The following FILIP1L variants were observed in gnomAD, a reference collection of about 807,000 sequenced individuals.
FILIP1L encodes filamin A-interacting protein 1-like.
In FILIP1L, 55 loss-of-function variants were observed where a neutral mutation model predicts 96.6. That is an observed-to-expected ratio of 0.57 (90% confidence interval 0.46 to 0.71). FILIP1L has a LOEUF of 0.71. FILIP1L is among the 30% of genes least tolerant of loss of function. The pLI is 0.00. For missense variants in FILIP1L, 1,304 were observed against 1,321.2 expected, an observed-to-expected ratio of 0.99 and a Z score of 0.20; for synonymous variants, 467 against 473.9, an observed-to-expected ratio of 0.99 and a Z score of 0.19.
chr3:99,983,574 C>T (rs1439302341), intron 1 of FILIP1L, among the ~76,000 whole-genome samples: 1 of 142,722 alleles, frequency 7.0e-6, no homozygotes, highest in Admixed American at 7.2e-5. Context: ...CCTGTAATCC[C>T]AGCTACTTGG....
At chr3:100,074,595 C>T (rs1392844583) in intron 1 of FILIP1L, among the ~76,000 whole-genome samples, 1 of 147,796 alleles carries the variant, frequency 6.8e-6, no homozygotes, top group Non-Finnish European at 1.5e-5. Context: ...AAAAACTATG[C>T]TTGAGAAATA....
chr3:99,909,377 G>A (rs1315562108), intron 4 of FILIP1L, among the ~76,000 whole-genome samples: 2 of 152,140 alleles, frequency 1.3e-5, no homozygotes, highest in Admixed American at 6.5e-5. Context: ...TATCCATGTA[G>A]GAATGATGTG....
chr3:100,032,068 C>A lies in FILIP1L; in HGVS notation c.-11+81985G>T, dbSNP rs185847025. Among the ~76,000 whole-genome samples the A allele has an allele frequency of 2.0e-5, 3 of 152,158 alleles. No homozygotes were observed. In the East Asian group the frequency reaches 5.8e-4, roughly 29 times the overall value. On this transcript the variant is annotated intron_variant, in intron 1 of 5. Transcript: ENST00000477258. ...AGATTATATAAAGACAGGCTACAGA[C>A]CAGATCTAGCCCATTAGCCATAGTT... is the stretch of plus-strand genomic sequence containing the variant.
At chr3:100,020,257 T>C (rs1220615388) in intron 1 of FILIP1L, among the ~76,000 whole-genome samples, 1 of 152,232 alleles carries the variant, frequency 6.6e-6, no homozygotes, top group Non-Finnish European at 1.5e-5. Flanking sequence ...TTCACTATTC[T>C]GCAAATAAAT....
chr3:100,109,002 T>C (rs1222563283), intron 1 of FILIP1L, among the ~76,000 whole-genome samples: 1 of 152,070 alleles, frequency 6.6e-6, no homozygotes, highest in East Asian at 1.9e-4. Context: ...CCATGGCTTT[T>C]TCAATGCAGT....
intron 1 of FILIP1L, among the ~76,000 whole-genome samples, chr3:99,988,511 CA>C (rs757175318): frequency 2.9e-4 from 14 of 47,874 alleles, no homozygotes; most frequent in South Asian, 8.3e-4. Flanking sequence ...GACTCCATCT[CA>C]AAAAAAAAAA....
At chr3:100,019,585 G>A (rs2064769095) in intron 1 of FILIP1L, among the ~76,000 whole-genome samples, 1 of 152,040 alleles carries the variant, frequency 6.6e-6, no homozygotes, top group African/African-American at 2.4e-5. Flanking sequence ...TGTATTTAAA[G>A]ACAGTAGTAG....
intron 1 of FILIP1L, among the ~76,000 whole-genome samples, chr3:99,962,971 G>A (rs1708538733): frequency 6.6e-6 from 1 of 152,194 alleles, no homozygotes; most frequent in Admixed American, 6.5e-5. Context: ...TTACTCACAG[G>A]CATTGCTGCA....
chr3:99,894,735 A>C (rs1576554165), intron 4 of FILIP1L, among the ~76,000 whole-genome samples: 1 of 152,218 alleles, frequency 6.6e-6, no homozygotes, highest in East Asian at 1.9e-4. Flanking sequence ...TACTCAACCC[A>C]TAATAAAGCT....
chr3:99,852,004 C>T (rs528432213), intron 4 of FILIP1L, among the ~76,000 whole-genome samples: 4 of 152,320 alleles, frequency 2.6e-5, no homozygotes, highest in African/African-American at 9.6e-5. Flanking sequence ...TTATCAGGAA[C>T]ATAATAATTC....
intron 1 of FILIP1L, among the ~76,000 whole-genome samples, chr3:100,005,080 G>T (rs987622113): frequency 1.3e-5 from 2 of 152,180 alleles, no homozygotes; most frequent in Admixed American, 6.5e-5. Context: ...GCCAGTAAAG[G>T]TTCAACTCTT....
chr3:99,929,742 A>T, intron 3 of FILIP1L, 114 bp downstream of exon 3: 1 of 703,166 alleles, frequency 1.4e-6, no homozygotes, highest in Non-Finnish European at 2.2e-6. Context: ...TGTAGGCTTT[A>T]AGTGCGTTAG....
intron 1 of FILIP1L, among the ~76,000 whole-genome samples, chr3:99,984,132 T>C (rs1176892827): frequency 6.6e-6 from 1 of 151,914 alleles, no homozygotes; most frequent in Non-Finnish European, 1.5e-5. Flanking sequence ...AATTGATCCA[T>C]AGTTCTGGAA....
At chr3:100,112,019 C>T (rs1466868141) in intron 1 of FILIP1L, among the ~76,000 whole-genome samples, 1 of 152,134 alleles carries the variant, frequency 6.6e-6, no homozygotes, top group Non-Finnish European at 1.5e-5. Context: ...ATCCCAATAA[C>T]CAGCACGGGG....
intron 4 of FILIP1L, among the ~76,000 whole-genome samples, chr3:99,872,143 A>G (rs1333074783): frequency 1.3e-5 from 2 of 152,148 alleles, no homozygotes; most frequent in Non-Finnish European, 2.9e-5. Flanking sequence ...CTACCTCTGC[A>G]TAGCTGTGTC....
At chr3:100,066,421 A>C (rs552752190) in intron 1 of FILIP1L, among the ~76,000 whole-genome samples, 5 of 150,552 alleles carry the variant, frequency 3.3e-5, no homozygotes, top group South Asian at 4.2e-4. Flanking sequence ...GTCATTTGCC[A>C]TGTGGTGATC....
intron 1 of FILIP1L, among the ~76,000 whole-genome samples, chr3:100,019,731 C>T (rs1470154449): frequency 7.2e-5 from 11 of 152,024 alleles, no homozygotes; most frequent in Admixed American, 2.6e-4. Context: ...TGTAAGACTG[C>T]GATTCACATT....
chr3:99,851,123 C>T (rs1229947404), intron 4 of FILIP1L, 53 bp from the exon 5 acceptor site: 11 of 1,357,182 alleles, frequency 8.1e-6, no homozygotes, highest in East Asian at 2.3e-5. Flanking sequence ...AGTAACTCAT[C>T]GAATGTACTT....
intron 1 of FILIP1L, among the ~76,000 whole-genome samples, chr3:100,089,187 G>A (rs558049055): frequency 2.8e-4 from 42 of 152,088 alleles, no homozygotes; most frequent in Non-Finnish European, 4.6e-4. Flanking sequence ...ACATTCCAAC[G>A]TCTAGCTCTT....
Sources: allele counts gnomAD v4.1 joint callset (sites outside exome capture counted in the v4.1 genomes callset), GRCh38; gene constraint gnomAD v4.1.1; transcripts MANE v1.5; gene names NCBI Gene and HGNC (gene_info 2026-07-23, HGNC 2026-07-21).